Variants in SLC22A24 observed in about 807,000 individuals in gnomAD.
SLC22A24 encodes steroid transmembrane transporter SLC22A24.
In SLC22A24, 53 loss-of-function variants were observed where a neutral mutation model predicts 49.8. The observed-to-expected ratio is 1.06, with a 90% CI of 0.85 to 1.34. The LOEUF is 1.34. Among genes scored for constraint, SLC22A24 ranks in the 40% most tolerant of loss-of-function variants. SLC22A24 has a pLI of 0.00. For missense variants in SLC22A24, 786 were observed against 675.9 expected (o/e 1.16, Z -1.81); for synonymous variants, 302 against 256.4 (o/e 1.18, Z -1.70).
At chr11:63,123,048 T>C (rs2087263255) in intron 2 of SLC22A24, among the ~76,000 whole-genome samples, 1 of 152,146 alleles carries the variant, frequency 6.6e-6, no homozygotes, top group Non-Finnish European at 1.5e-5. Flanking sequence ...TATAGAATAC[T>C]ATGTGCATAT....
At chr11:63,128,751 A>T (rs918556962) in intron 2 of SLC22A24, among the ~76,000 whole-genome samples, 5 of 152,104 alleles carry the variant, frequency 3.3e-5, no homozygotes, top group South Asian at 4.1e-4. Flanking sequence ...CTTACCTATC[A>T]TTGGAGATGG....
In SLC22A24 at chr11:63,090,035, C is replaced by T. The variant is rs1032697090; in HGVS notation, c.1070+5956G>A. Among the ~76,000 whole-genome samples, 6 of 121,148 alleles carry T rather than the reference C, an allele frequency of 5.0e-5. No homozygotes were observed. In the East Asian group the frequency reaches 8.3e-4, roughly 17 times the overall value. 79.5% of individuals were successfully genotyped at this position (121,148 alleles called of 152,430 possible). A position where few individuals can be genotyped will look rare whatever the true frequency, so the allele number is the denominator to read the frequency against. ...GGCAGAGCTTGCAGAGAGCTGAGAT[C>T]GGGCCACTGCACTCCAGCCTGGACG... On this transcript the variant is annotated intron_variant, in intron 6 of 9. Coordinates refer to ENST00000612278, the MANE Select transcript of SLC22A24 (RefSeq NM_001136506.2).
chr11:63,126,099 T>C (rs1039537853), intron 2 of SLC22A24, among the ~76,000 whole-genome samples: 15 of 150,868 alleles, frequency 9.9e-5, no homozygotes, highest in African/African-American at 3.6e-4. Context: ...TTTTCTCCCA[T>C]TCTGTATGTT....
In SLC22A24 at chr11:63,143,797, T is replaced by A. The variant is rs1218576449; in HGVS notation, c.-18A>T. The A allele has an allele frequency of 3.7e-6, 5 of 1,342,812 alleles. No homozygotes were observed. The highest frequency in any genetic ancestry group is 3.8e-6 in the Non-Finnish European group (4 of 1,042,304). The allele number at this position is 1,342,812 out of a possible 1,614,324, so 83.2% of individuals were successfully genotyped here. Reference sequence around the variant, plus strand: ...AAGCCCATTGAGACTGAACAGGTGATCCCCAAGAGGAAGCACAATGACTTT... The same window carrying A: ...AAGCCCATTGAGACTGAACAGGTGAACCCCAAGAGGAAGCACAATGACTTT... On this transcript the variant is annotated 5_prime_UTR_variant, in exon 1 of 10. Transcript: ENST00000612278.
intron 2 of SLC22A24, among the ~76,000 whole-genome samples, chr11:63,124,277 A>G (rs938108027): frequency 1.3e-5 from 2 of 152,168 alleles, no homozygotes; most frequent in African/African-American, 4.8e-5. Context: ...GCAGTGGAAT[A>G]CTGTTGAGTG....
intron 6 of SLC22A24, among the ~76,000 whole-genome samples, chr11:63,085,260 C>T (rs114550799): frequency 0.017 from 2,595 of 151,816 alleles, 76 homozygotes; most frequent in African/African-American, 0.059. Flanking sequence ...AATGTAGCAA[C>T]GTATAATGAA....
intron 1 of SLC22A24, among the ~76,000 whole-genome samples, chr11:63,138,848 C>T (rs915606136): frequency 1.3e-4 from 20 of 151,954 alleles, no homozygotes; most frequent in Non-Finnish European, 2.4e-4. Context: ...GTTTTTTCCC[C>T]CCCATGGATA....
intron 4 of SLC22A24, among the ~76,000 whole-genome samples, chr11:63,111,979 G>C (rs1308914577): frequency 1.3e-5 from 2 of 151,564 alleles, no homozygotes; most frequent in Admixed American, 1.3e-4. Flanking sequence ...TTTCTCTTGT[G>C]GGCATCTAGT....
intron 2 of SLC22A24, among the ~76,000 whole-genome samples, chr11:63,132,343 C>T (rs749480278): frequency 1.3e-5 from 2 of 152,186 alleles, no homozygotes; most frequent in Non-Finnish European, 2.9e-5. Context: ...AGCTGTGAAC[C>T]TTTGGAGGAG....
chr11:63,106,943 G>A (rs189319623), intron 4 of SLC22A24, among the ~76,000 whole-genome samples: 26 of 152,076 alleles, frequency 1.7e-4, no homozygotes, highest in South Asian at 4.2e-4. Flanking sequence ...ATTAGATCCC[G>A]TCTGTGAATT....
At chr11:63,133,898 G>A (rs948274154) in intron 2 of SLC22A24, among the ~76,000 whole-genome samples, 5 of 152,084 alleles carry the variant, frequency 3.3e-5, no homozygotes, top group African/African-American at 1.2e-4. Flanking sequence ...ACCCACCTTG[G>A]CCTCCCAAAG....
chr11:63,127,082 A>C (rs2087296800), intron 2 of SLC22A24, among the ~76,000 whole-genome samples: 2 of 152,150 alleles, frequency 1.3e-5, no homozygotes, highest in South Asian at 4.1e-4. Flanking sequence ...GCACCCATCA[A>C]GTCGTCATTT....
At chr11:63,092,998 AAAAC>A (rs748172313) in intron 6 of SLC22A24, among the ~76,000 whole-genome samples, 3 of 152,228 alleles carry the variant, frequency 2.0e-5, no homozygotes, top group South Asian at 2.1e-4. Flanking sequence ...AATTTACAAG[AAAAC>A]AAACAACCCC....
intron 9 of SLC22A24, among the ~76,000 whole-genome samples, chr11:63,080,265 C>T (rs564010474): frequency 2.8e-4 from 42 of 152,124 alleles, no homozygotes; most frequent in South Asian, 8.3e-4. Flanking sequence ...TAAATCAAAG[C>T]GAGAATTGAA....
chr11:63,134,003 T>G (rs1423852745), intron 2 of SLC22A24, among the ~76,000 whole-genome samples: 6 of 152,224 alleles, frequency 3.9e-5, no homozygotes, highest in Admixed American at 3.9e-4. Flanking sequence ...AGTAGATTAG[T>G]AGATAAATAC....
At chr11:63,097,800 T>A (rs760843099) in intron 5 of SLC22A24, among the ~76,000 whole-genome samples, 1 of 152,144 alleles carries the variant, frequency 6.6e-6, no homozygotes, top group Non-Finnish European at 1.5e-5. Flanking sequence ...ACCATCATTT[T>A]CAGCAAACTA....
intron 6 of SLC22A24, among the ~76,000 whole-genome samples, chr11:63,088,796 C>T (rs2087002170): frequency 6.6e-6 from 1 of 151,508 alleles, no homozygotes; most frequent in African/African-American, 2.4e-5. Context: ...AATATTATAG[C>T]CAAATTGATC....
intron 2 of SLC22A24, among the ~76,000 whole-genome samples, chr11:63,125,661 G>T (rs1438111133): frequency 6.6e-6 from 1 of 152,090 alleles, no homozygotes; most frequent in Non-Finnish European, 1.5e-5. Context: ...ATAATCCTTT[G>T]GGTATATACC....
At chr11:63,120,234 A>G (rs2087241859) in intron 2 of SLC22A24, among the ~76,000 whole-genome samples, 1 of 145,550 alleles carries the variant, frequency 6.9e-6, no homozygotes, top group Non-Finnish European at 1.5e-5. Flanking sequence ...ATTCCCACTC[A>G]TAGGTGGGAA....
Sources: gnomAD v4.1 joint callset for allele counts (sites outside exome capture counted in the v4.1 genomes callset) on GRCh38, gnomAD v4.1.1 for gene constraint, MANE v1.5 for transcripts, NCBI Gene and HGNC (gene_info 2026-07-23, HGNC 2026-07-21) for gene names.